The following TMPRSS9 variants were observed in gnomAD, a reference collection of about 807,000 sequenced individuals.
TMPRSS9 encodes transmembrane serine protease 9.
In TMPRSS9, 113 loss-of-function variants were observed where a neutral mutation model predicts 111.4. That is an observed-to-expected ratio of 1.01 (90% CI 0.87 to 1.19). The LOEUF is 1.19. Ranked by LOEUF, TMPRSS9 falls within the 50% of genes most tolerant of loss-of-function variation. The pLI, the probability that TMPRSS9 is intolerant of heterozygous loss-of-function variation, is 0.00. For synonymous variants in TMPRSS9, 805 were observed against 659.1 expected (o/e 1.22, Z -3.39); for missense variants, 1,803 against 1,513.1 (o/e 1.19, Z -3.18).
intron 1 of TMPRSS9, among the ~76,000 whole-genome samples, chr19:2,390,153 A>G (rs1288538628): frequency 1.3e-5 from 2 of 151,830 alleles, no homozygotes; most frequent in African/African-American, 4.8e-5. Flanking sequence ...AAGTTTTCAC[A>G]GCTGGGGTGA....
intron 14 of TMPRSS9, among the ~76,000 whole-genome samples, 158 bp downstream of exon 15, chr19:2,422,405 T>C (rs1249992028): frequency 6.6e-6 from 1 of 150,644 alleles, no homozygotes; most frequent in Non-Finnish European, 1.5e-5. Context: ...CGGTGAAACC[T>C]TGTCTCTACT....
At position 2,399,949 on chromosome 19, in the gene TMPRSS9, T is replaced by G. The variant is rs8108671; in HGVS notation, c.514+756T>G. 5.9e-5 allele frequency among the ~76,000 whole-genome samples: 9 copies of G among 152,274 alleles called. No homozygotes were observed. The South Asian group carries it at 1.7e-3, about 28-fold the overall frequency. On this transcript the variant is annotated intron_variant, in intron 4 of 17. Coordinates refer to ENST00000648592, the Ensembl canonical transcript of TMPRSS9. ...TTCACCATGTGTACTGGGCTGGTCT[T>G]GGACTCCTGACCTCAGGTGATCCTC...
intron 14 of TMPRSS9, among the ~76,000 whole-genome samples, chr19:2,423,060 TAAAA>T (rs558254831): frequency 1.5e-5 from 2 of 132,834 alleles, no homozygotes; most frequent in Non-Finnish European, 3.3e-5. Flanking sequence ...CTAAAAAAAT[TAAAA>T]AAAAAAAAAA....
In TMPRSS9 at chr19:2,396,532, T is replaced by C; in HGVS notation, c.143-7T>C. On this transcript the variant is annotated splice_region_variant and splice_polypyrimidine_tract_variant and intron_variant, in intron 1 of 17. Coordinates refer to ENST00000648592, the Ensembl canonical transcript of TMPRSS9. ...GGCTCTCTCACGGGCCCTGGTCTCG[T>C]CCCCAGCCTTCCTCTCTACACAGGG... 1 of 1,596,968 alleles carries C rather than the reference T, an allele frequency of 6.3e-7. No homozygotes were observed. Among genetic ancestry groups the C allele is most frequent in the Non-Finnish European group, 8.5e-7 (1 of 1,170,592 alleles).
intron 4 of TMPRSS9, among the ~76,000 whole-genome samples, chr19:2,401,136 T>A (rs947231162): frequency 6.6e-6 from 1 of 151,702 alleles, no homozygotes; most frequent in Non-Finnish European, 1.5e-5. Context: ...CAGCCGGGCG[T>A]GGTGGCGGGC....
chr19:2,418,323 C>T (rs59476829), intron 13 of TMPRSS9, among the ~76,000 whole-genome samples, 185 bp downstream of exon 14: 545 of 41,870 alleles, frequency 0.013, 52 homozygotes, highest in African/African-American at 0.049. Flanking sequence ...CCCTCCCTCC[C>T]TCCCTCCCTT....
Position 2,417,947 on chromosome 19 carries a change from G to A in TMPRSS9, c.2018-55G>A, listed in dbSNP as rs1255310274. ...TCGGGGCTGTTATCGGAGCGGAACT[G>A]GAGCTGCTCTGATGATCACTGTGCA... On this transcript the variant is annotated intron_variant, in intron 12 of 17. Transcript: ENST00000648592. 3.7e-6 allele frequency: 6 copies of A among 1,605,814 alleles called. No homozygotes were observed. The East Asian group carries it at 1.3e-4, about 36-fold the overall frequency.
chr19:2,384,358 T>TG (rs1240992641), intron 1 of TMPRSS9, among the ~76,000 whole-genome samples: 2 of 152,144 alleles, frequency 1.3e-5, no homozygotes, highest in Non-Finnish European at 2.9e-5. Context: ...TAAGGTCTCT[T>TG]GGGGTCTCAC....
chr19:2,405,888 G>C (rs1970958976), intron 7 of TMPRSS9, among the ~76,000 whole-genome samples: 1 of 146,180 alleles, frequency 6.8e-6, no homozygotes, highest in Admixed American at 7.0e-5. Flanking sequence ...AGTAGAGACG[G>C]GGTTTCACCG....
intron 1 of TMPRSS9, among the ~76,000 whole-genome samples, chr19:2,373,671 C>A (rs923747433): frequency 8.8e-5 from 13 of 147,292 alleles, no homozygotes; most frequent in African/African-American, 2.2e-4. Context: ...AGCTAATATT[C>A]GTATTTTTAG....
Position 2,399,212 on chromosome 19 carries a change from C to G in TMPRSS9, c.514+19C>G. On this transcript the variant is annotated intron_variant, in intron 4 of 17. Coordinates refer to ENST00000648592, the Ensembl canonical transcript of TMPRSS9. ...CTCACAGGTGAGTGGGCAGCCGAGA[C>G]CGAAACCCCATCACGAGGAGGCTGG... 6.4e-7 allele frequency: 1 copy of G among 1,561,876 alleles called. No homozygotes were observed. Among genetic ancestry groups the G allele is most frequent in the Non-Finnish European group, 8.7e-7 (1 of 1,153,942 alleles).
intron 13 of TMPRSS9, among the ~76,000 whole-genome samples, chr19:2,421,184 C>A (rs935829937): frequency 6.6e-6 from 1 of 151,936 alleles, no homozygotes; most frequent in African/African-American, 2.4e-5. Context: ...CTGGCCTGGG[C>A]AACAAGAGCG....
intron 6 of TMPRSS9, 117 bp from the exon 8 acceptor site, chr19:2,405,257 C>G: frequency 7.3e-7 from 1 of 1,362,680 alleles, no homozygotes; most frequent in Non-Finnish European, 9.6e-7. Flanking sequence ...GAGGGGCCCC[C>G]AAGCATCTCT....
chr19:2,373,024 G>T (rs1970302316), intron 1 of TMPRSS9, among the ~76,000 whole-genome samples: 2 of 151,828 alleles, frequency 1.3e-5, no homozygotes, highest in Non-Finnish European at 2.9e-5. Flanking sequence ...GTGGAGATGG[G>T]GGTCTCGCCA....
chr19:2,414,733 G>A (rs961139869), intron 10 of TMPRSS9, among the ~76,000 whole-genome samples: 1 of 151,038 alleles, frequency 6.6e-6, no homozygotes, highest in Admixed American at 6.6e-5. Flanking sequence ...TGGGCATGGT[G>A]GAGGGCACCT....
At chr19:2,384,438 G>A (rs1347463734) in intron 1 of TMPRSS9, among the ~76,000 whole-genome samples, 2 of 152,112 alleles carry the variant, frequency 1.3e-5, no homozygotes, top group East Asian at 3.9e-4. Flanking sequence ...CACTTTGGGA[G>A]GCCGAGGCGA....
chr19:2,391,480 A>G (rs1167042693), intron 1 of TMPRSS9, among the ~76,000 whole-genome samples: 4 of 151,540 alleles, frequency 2.6e-5, no homozygotes, highest in Non-Finnish European at 4.4e-5. Flanking sequence ...GTACAATACA[A>G]TTTGGGTTCC....
exon 12 of TMPRSS9, chr19:2,416,806 A>G (rs1971248218): frequency 1.9e-6 from 3 of 1,607,122 alleles, no homozygotes; most frequent in South Asian, 1.1e-5. Context: ...GCAGGAAGGA[A>G]ATGGTGAGCG....
chr19:2,416,656 ATCCTGGACTTCGACCTGGCTG>A, exon 12 of TMPRSS9: 1 of 1,613,082 alleles, frequency 6.2e-7, no homozygotes, highest in Non-Finnish European at 8.5e-7. Context: ...CAACCCTGGC[ATCCTGGACTTCGACCTGGCTG>A]TCCTGGAGCT....
Sources: gnomAD v4.1 joint callset for allele counts (sites outside exome capture counted in the v4.1 genomes callset) on GRCh38, gnomAD v4.1.1 for gene constraint, MANE v1.5 for transcripts, NCBI Gene and HGNC (gene_info 2026-07-23, HGNC 2026-07-21) for gene names.